ATG5: variants seen among roughly 807,000 people sequenced by gnomAD.
ATG5 encodes the protein autophagy related 5.
Under a neutral mutation model 36.5 loss-of-function variants are expected in ATG5, and 14 were observed. The ratio of observed to expected loss-of-function variants is 0.38; its 90% CI spans 0.25 to 0.60. The LOEUF is 0.60. ATG5 is among the 20% of genes least tolerant of loss of function. ATG5 has a pLI of 0.60. For missense variants in ATG5, 195 were observed against 326.7 expected, an observed-to-expected ratio of 0.60 and a Z score of 3.11; for synonymous variants, 95 against 101.5, an observed-to-expected ratio of 0.94 and a Z score of 0.38.
intron 4 of ATG5, among the ~76,000 whole-genome samples, chr6:106,280,737 CATT>C (rs1007023356): frequency 6.6e-6 from 1 of 151,898 alleles, no homozygotes; most frequent in Non-Finnish European, 1.5e-5. Context: ...TTGAGGTAAA[CATT>C]ATTATTATTG....
rs562015767 is a variant in ATG5, at chr6:106,201,876, T to C, written c.691+96A>G. 3.5e-6 allele frequency: 3 copies of C among 857,036 alleles called. No homozygotes were observed. The South Asian group carries it at 7.3e-5, about 21-fold the overall frequency. 53.1% of individuals were successfully genotyped at this position (857,036 alleles called of 1,614,324 possible). ...TTTCGCTGTAAGATATGAAAATATC[T>C]TCCTGAAATAACCTGTTGTTTATAA... On this transcript the variant is annotated intron_variant, in intron 7 of 7. Transcript: ENST00000369076.
chr6:106,292,994 A>AAT, intron 4 of ATG5, 34 bp downstream of exon 4: 3 of 1,547,920 alleles, frequency 1.9e-6, no homozygotes, highest in Non-Finnish European at 2.7e-6. Flanking sequence ...TATGTATCAC[A>AAT]AATGGGACGA....
At chr6:106,317,206 T>C (rs1026627083) in intron 1 of ATG5, among the ~76,000 whole-genome samples, 1 of 152,188 alleles carries the variant, frequency 6.6e-6, no homozygotes, top group Admixed American at 6.5e-5. Flanking sequence ...TTGTTGATAA[T>C]ATACACTTAG....
chr6:106,300,729 C>T (rs543465), intron 3 of ATG5, among the ~76,000 whole-genome samples: 17,811 of 152,064 alleles, frequency 0.12, 1,152 homozygotes, highest in African/African-American at 0.17. Context: ...CATCTAAACA[C>T]AGAAAGGATA....
chr6:106,323,085 TG>T (rs1321902188), intron 1 of ATG5, among the ~76,000 whole-genome samples: 9 of 151,790 alleles, frequency 5.9e-5, no homozygotes, highest in African/African-American at 1.9e-4. Context: ...GGCTCGGGTT[TG>T]TTTTTTTTGT....
intron 1 of ATG5, among the ~76,000 whole-genome samples, chr6:106,323,181 C>A (rs558370829): frequency 6.6e-6 from 1 of 152,062 alleles, no homozygotes; most frequent in Admixed American, 6.5e-5. Flanking sequence ...TCGTGATCCG[C>A]CCGCCTTGGC....
chr6:106,318,020 CGAA>C (rs1331495602), intron 1 of ATG5, among the ~76,000 whole-genome samples: 3 of 152,128 alleles, frequency 2.0e-5, no homozygotes, highest in Non-Finnish European at 4.4e-5. Flanking sequence ...TAATTTGAGA[CGAA>C]GAGTTCCTCT....
chr6:106,267,825 T>A (rs774108932), intron 5 of ATG5, among the ~76,000 whole-genome samples: 13 of 152,258 alleles, frequency 8.5e-5, no homozygotes, highest in Non-Finnish European at 1.6e-4. Context: ...TTACACCTTA[T>A]ACAAAAATGA....
chr6:106,220,989 A>T (rs1040044224), intron 6 of ATG5, among the ~76,000 whole-genome samples: 2 of 152,246 alleles, frequency 1.3e-5, no homozygotes, highest in Non-Finnish European at 2.9e-5. Flanking sequence ...TTCTTTGGAC[A>T]GGAACTAAGC....
At chr6:106,279,565 T>G in intron 5 of ATG5, 96 bp downstream of exon 5, 1 of 1,106,584 alleles carries the variant, frequency 9.0e-7, no homozygotes, top group Non-Finnish European at 1.2e-6. Flanking sequence ...TTTAAACTTG[T>G]ACCACCAATT....
chr6:106,267,760 T>C (rs1779281695), intron 5 of ATG5, among the ~76,000 whole-genome samples: 1 of 152,190 alleles, frequency 6.6e-6, no homozygotes, highest in Non-Finnish European at 1.5e-5. Flanking sequence ...ATTTAATAAA[T>C]GGTTCTGGGA....
At chr6:106,207,663 A>C (rs2114379242) in intron 6 of ATG5, among the ~76,000 whole-genome samples, 1 of 152,368 alleles carries the variant, frequency 6.6e-6, no homozygotes, top group Non-Finnish European at 1.5e-5. Context: ...ATGATGATTT[A>C]CTATAAGCTG....
At chr6:106,249,885 A>G (rs1308265728) in intron 5 of ATG5, among the ~76,000 whole-genome samples, 1 of 152,242 alleles carries the variant, frequency 6.6e-6, no homozygotes, top group South Asian at 2.1e-4. Context: ...CATGTGCTCA[A>G]TGGCCATTTG....
intron 4 of ATG5, among the ~76,000 whole-genome samples, chr6:106,289,832 T>C (rs1780231371): frequency 6.6e-6 from 1 of 152,208 alleles, no homozygotes; most frequent in Non-Finnish European, 1.5e-5. Flanking sequence ...CTTTAATGCC[T>C]TAATAGACAA....
intron 3 of ATG5, among the ~76,000 whole-genome samples, chr6:106,296,363 C>T (rs1769933611): frequency 6.6e-6 from 1 of 152,150 alleles, no homozygotes; most frequent in African/African-American, 2.4e-5. Flanking sequence ...CACTCTAGAA[C>T]TTATTTCATC....
intron 7 of ATG5, among the ~76,000 whole-genome samples, chr6:106,187,936 TA>T (rs1256782281): frequency 1.3e-5 from 2 of 152,072 alleles, no homozygotes; most frequent in African/African-American, 2.4e-5. Context: ...GATAACCAAA[TA>T]AAACATTCCA....
intron 5 of ATG5, among the ~76,000 whole-genome samples, chr6:106,271,449 T>C (rs1032551382): frequency 1.3e-5 from 2 of 152,236 alleles, no homozygotes; most frequent in South Asian, 2.1e-4. Flanking sequence ...AAAGAGAAGA[T>C]AGCTATGAAT....
intron 1 of ATG5, among the ~76,000 whole-genome samples, chr6:106,322,234 ATCAG>A (rs1771109169): frequency 6.6e-6 from 1 of 152,216 alleles, no homozygotes; most frequent in Non-Finnish European, 1.5e-5. Flanking sequence ...CTGTTAACCA[ATCAG>A]TCATTCAGAA....
intron 6 of ATG5, among the ~76,000 whole-genome samples, chr6:106,245,086 C>G (rs1242815775): frequency 2.0e-5 from 3 of 152,170 alleles, no homozygotes; most frequent in African/African-American, 7.2e-5. Context: ...ACCTGGACTT[C>G]AGGAACACAA....
Sources: gnomAD v4.1 joint callset for allele counts (sites outside exome capture counted in the v4.1 genomes callset) on GRCh38, gnomAD v4.1.1 for gene constraint, MANE v1.5 for transcripts, NCBI Gene and HGNC (gene_info 2026-07-23, HGNC 2026-07-21) for gene names.